UBE3C: variants seen among roughly 807,000 people sequenced by gnomAD.
The protein encoded by UBE3C is ubiquitin-protein ligase E3C.
UBE3C carries 42 observed loss-of-function variants against 129.4 expected under a neutral mutation model. The ratio of observed to expected loss-of-function variants is 0.32; its 90% CI spans 0.25 to 0.42. UBE3C has a LOEUF of 0.42. Among genes scored for constraint, UBE3C ranks in the 10% least tolerant of loss-of-function variants. UBE3C has a pLI of 1.00. For synonymous variants in UBE3C, 510 were observed against 492.4 expected (o/e 1.04, Z -0.47); for missense variants, 1,049 against 1,319.1 (o/e 0.80, Z 3.17).
intron 8 of UBE3C, among the ~76,000 whole-genome samples, chr7:157,182,839 C>T (rs2116925813): frequency 6.6e-6 from 1 of 152,288 alleles, no homozygotes; most frequent in African/African-American, 2.4e-5. Context: ...ACCTCCGCCT[C>T]CCGGGTTCAA....
intron 1 of UBE3C, 96 bp downstream of exon 1, chr7:157,139,434 G>C: frequency 8.3e-7 from 1 of 1,200,516 alleles, no homozygotes; most frequent in Non-Finnish European, 1.1e-6. Context: ...TGGACTCGGG[G>C]CCGAGACTTG....
At chr7:157,148,318 G>GC (rs1379929838) in intron 1 of UBE3C, among the ~76,000 whole-genome samples, 1 of 152,192 alleles carries the variant, frequency 6.6e-6, no homozygotes, top group East Asian at 1.9e-4. Flanking sequence ...GTCCATACTG[G>GC]CCTTGAACTC....
chr7:157,262,465 G>T (rs1796945115), intron 22 of UBE3C, among the ~76,000 whole-genome samples: 1 of 112,154 alleles, frequency 8.9e-6, no homozygotes, highest in Admixed American at 1.4e-4. Flanking sequence ...TGTTGCCCAG[G>T]CTGGAGTACA....
In UBE3C at chr7:157,254,116, C is replaced by T. The variant is rs1315260965; in HGVS notation, c.2857C>T (p.Arg953Ter). 2 of 1,610,908 alleles carry T rather than the reference C, an allele frequency of 1.2e-6. No homozygotes were observed. The highest frequency in any genetic ancestry group is 1.1e-5 in the South Asian group (1 of 90,428). ...CAATGTCGTCAGCCTCGAGTGGCTC[C>T]GAATGTTTGATCAGCAAGAAATTCA... ...LANVVSLEWL[R>*]MFDQQEIQVL... The change falls in exon 20 of 23, where the codon CGA (arginine) becomes TGA (stop). Residue 953 changes from arginine to a stop codon, truncating the protein, a stop_gained. Transcript: ENST00000348165. LOFTEE classifies it high-confidence loss of function.
chr7:157,267,586 A>C lies in UBE3C; in HGVS notation c.3083A>C (p.Glu1028Ala), dbSNP rs1280536905. The change falls in exon 23 of 23, where the codon GAG becomes GCG. Residue 1028 changes from glutamate to alanine, a missense_variant and splice_region_variant. Physicochemically the swap from Glu to Ala is moderately radical, Grantham distance 107 (BLOSUM62 -1). Around this residue, in one of 4 missense-constraint regions of UBE3C, gnomAD observed 243 missense variants for 368.7 expected, o/e 0.66. Coordinates refer to ENST00000348165, the MANE Select transcript of UBE3C (RefSeq NM_014671.3). ...CSRPPLLGFKELYPAFCIHNG... is the reference protein window; with the variant it reads ...CSRPPLLGFKALYPAFCIHNG... ...TCTTGCACACATGCTGTTTTTCAGG[A>C]GTTGTATCCCGCATTTTGTATTCAC... 1.2e-6 allele frequency: 2 copies of C among 1,612,550 alleles called. No homozygotes were observed. The highest frequency in any genetic ancestry group is 1.7e-6 in the Non-Finnish European group (2 of 1,179,558).
At chr7:157,156,038 T>A (rs761442205) in intron 1 of UBE3C, among the ~76,000 whole-genome samples, 5 of 152,166 alleles carry the variant, frequency 3.3e-5, no homozygotes, top group Admixed American at 6.5e-5. Context: ...AACTTGTTAA[T>A]CAATAGGAAG....
At chr7:157,201,419 C>T (rs1809277768) in intron 10 of UBE3C, among the ~76,000 whole-genome samples, 2 of 142,610 alleles carry the variant, frequency 1.4e-5, no homozygotes, top group Non-Finnish European at 3.0e-5. Context: ...GGAGCAGGTT[C>T]AACTTGTGCA....
At chr7:157,170,539 A>T in intron 4 of UBE3C, 89 bp downstream of exon 4, 3 of 1,346,738 alleles carry the variant, frequency 2.2e-6, no homozygotes, top group East Asian at 5.5e-5. Context: ...TCAGAAAGTT[A>T]AACAGCTCTC....
chr7:157,254,454 G>C (rs1363008078), intron 21 of UBE3C, 144 bp downstream of exon 21: 3 of 366,964 alleles, frequency 8.2e-6, no homozygotes, highest in Non-Finnish European at 1.3e-5. Context: ...CTGGAGTGCA[G>C]TGGCGCGATC....
At chr7:157,176,932 G>A (rs1318111738) in intron 5 of UBE3C, among the ~76,000 whole-genome samples, 1 of 152,202 alleles carries the variant, frequency 6.6e-6, no homozygotes, top group African/African-American at 2.4e-5. Flanking sequence ...AGTCTTATCT[G>A]CCACGTGCCA....
At chr7:157,238,113 A>T (rs1796199780) in intron 18 of UBE3C, among the ~76,000 whole-genome samples, 1 of 152,216 alleles carries the variant, frequency 6.6e-6, no homozygotes, top group African/African-American at 2.4e-5. Context: ...TTTAATTTAG[A>T]TTTAGATTTA....
chr7:157,253,819 G>A lies in UBE3C; in HGVS notation c.2695-135G>A, dbSNP rs915728657. The stretch of plus-strand genomic sequence containing the variant: ...ATCTGCACAATGCTGTGCATACTCG[G>A]GTACTATTTCGTATTTAGATTCTTG... On this transcript the variant is annotated intron_variant, in intron 19 of 22. Transcript: ENST00000348165. 4.8e-6 allele frequency: 4 copies of A among 837,766 alleles called. No individual in the cohort carries two copies. The African/African-American group carries it at 6.9e-5, about 14-fold the overall frequency. 51.9% of individuals were successfully genotyped at this position (837,766 alleles called of 1,614,324 possible).
chr7:157,192,861 C>CT (rs767623453), intron 10 of UBE3C: 20 of 860,316 alleles, frequency 2.3e-5, no homozygotes, highest in Non-Finnish European at 3.3e-5. Context: ...AAGACATGAA[C>CT]TTAAAAAAAA....
At chr7:157,166,608 C>T (rs148434858) in intron 2 of UBE3C, among the ~76,000 whole-genome samples, 29 of 151,906 alleles carry the variant, frequency 1.9e-4, no homozygotes, top group African/African-American at 4.8e-4. Context: ...GGCATGCTGG[C>T]GCATGCCTGT....
intron 22 of UBE3C, among the ~76,000 whole-genome samples, chr7:157,266,444 G>T (rs112047917): frequency 6.6e-6 from 1 of 152,148 alleles, no homozygotes; most frequent in Non-Finnish European, 1.5e-5. Context: ...CATAGGTAAT[G>T]TCGTATGCTT....
At chr7:157,170,580 C>A in intron 4 of UBE3C, 130 bp downstream of exon 4, 1 of 1,011,066 alleles carries the variant, frequency 9.9e-7, no homozygotes, top group Non-Finnish European at 1.3e-6. Context: ...AACTTCTCAG[C>A]TAGCTGTGAG....
chr7:157,181,231 A>T (rs1270863239), intron 6 of UBE3C, among the ~76,000 whole-genome samples: 3 of 152,344 alleles, frequency 2.0e-5, no homozygotes, highest in African/African-American at 7.2e-5. Flanking sequence ...TAATGTTTTT[A>T]AAAATAGTCT....
rs1218843478 is a variant in UBE3C, at chr7:157,241,090, G to GTACTTACT, written c.2482-7278_2482-7277insTACTTACT. 3.9e-5 allele frequency among the ~76,000 whole-genome samples: 6 copies of GTACTTACT among 152,228 alleles called. No individual in the cohort carries two copies. In the East Asian group the frequency reaches 1.2e-3, roughly 29 times the overall value. On this transcript the variant is annotated intron_variant, in intron 18 of 22. Transcript: ENST00000348165. ...GAAGTGGCAGTAAGGAGCACAGGGG[G>GTACTTACT]CCTACCTCCCTTCTGTGCCCGGTGG...
chr7:157,264,248 C>A (rs1235383455), intron 22 of UBE3C, among the ~76,000 whole-genome samples: 2 of 149,576 alleles, frequency 1.3e-5, no homozygotes, highest in Non-Finnish European at 3.0e-5. Flanking sequence ...TACACACACA[C>A]ACACACACAC....
Sources: allele counts gnomAD v4.1 joint callset (sites outside exome capture counted in the v4.1 genomes callset), GRCh38; gene constraint gnomAD v4.1.1; regional missense constraint gnomAD v4.1.1; transcripts MANE v1.5; gene names NCBI Gene and HGNC (gene_info 2026-07-23, HGNC 2026-07-21).